The following TDRD1 variants were observed in gnomAD, a reference collection of about 807,000 sequenced individuals.
TDRD1 encodes the protein tudor domain containing 1.
Under a neutral mutation model 140.6 loss-of-function variants are expected in TDRD1, and 37 were observed. The observed-to-expected ratio is 0.26, with a 90% CI of 0.20 to 0.35. The LOEUF (loss-of-function observed/expected upper bound fraction) is 0.35. Ranked by LOEUF, TDRD1 falls within the 10% of genes least tolerant of loss-of-function variation. The pLI is 1.00. For missense variants in TDRD1, 1,243 were observed against 1,393.0 expected, an observed-to-expected ratio of 0.89 and a Z score of 1.71; for synonymous variants, 506 against 475.7, an observed-to-expected ratio of 1.06 and a Z score of -0.83.
intron 18 of TDRD1, among the ~76,000 whole-genome samples, chr10:114,220,056 CTG>C (rs1220214114): frequency 6.6e-6 from 1 of 152,184 alleles, no homozygotes; most frequent in African/African-American, 2.4e-5. Flanking sequence ...GCCCCACAGT[CTG>C]TGTTTTAACA....
At chr10:114,217,439 G>C in intron 16 of TDRD1, 106 bp from the exon 17 acceptor site, 1 of 582,142 alleles carries the variant, frequency 1.7e-6, no homozygotes, top group Non-Finnish European at 3.0e-6. Flanking sequence ...GTTTAGGGAG[G>C]TACCTGTCTT....
At chr10:114,206,221 A>C (rs749092760) in intron 10 of TDRD1, 23 bp from the exon 11 acceptor site, 3 of 1,565,018 alleles carry the variant, frequency 1.9e-6, no homozygotes, top group Non-Finnish European at 2.6e-6. Context: ...CAATGGAGGC[A>C]TATTTTCTTA....
At chr10:114,221,281 A>G in intron 19 of TDRD1, 76 bp from the exon 20 acceptor site, 1 of 1,329,700 alleles carries the variant, frequency 7.5e-7, no homozygotes, top group South Asian at 1.3e-5. Flanking sequence ...AAATGATTGA[A>G]TTAAATATGT....
chr10:114,191,142 T>A, intron 3 of TDRD1, 123 bp downstream of exon 3: 1 of 1,111,936 alleles, frequency 9.0e-7, no homozygotes, highest in Non-Finnish European at 1.3e-6. Context: ...TTCTTTTATG[T>A]ACATTTTTAA....
chr10:114,196,465 G>T (rs1346081923), intron 3 of TDRD1, among the ~76,000 whole-genome samples: 1 of 152,072 alleles, frequency 6.6e-6, no homozygotes, highest in Non-Finnish European at 1.5e-5. Context: ...AAAATGTTTT[G>T]TCACTTTCTT....
Position 114,206,348 on chromosome 10 carries a change from T to C in TDRD1, c.1384+18T>C, listed in dbSNP as rs1409346468. 3 of 1,600,666 alleles carry C rather than the reference T, an allele frequency of 1.9e-6. No individual in the cohort carries two copies. Among genetic ancestry groups the C allele is most frequent in the African/African-American group, 1.3e-5 (1 of 74,736 alleles). On this transcript the variant is annotated intron_variant, in intron 11 of 25. Coordinates refer to ENST00000251864, the Ensembl canonical transcript of TDRD1. ...AGATCAAAGTGAGTATAGATTGATA[T>C]TGAACGGTATAGCGACTTCAGTTAT...
rs1405792572 is a variant in TDRD1 at position 114,205,875 on chromosome 10, ATT to A, written c.1298-367_1298-366del. On this transcript the variant is annotated intron_variant, in intron 10 of 25. Transcript: ENST00000251864. Reference sequence around the variant, plus strand: ...AAGTAACTTAGACTGTAATTGGATGATTTGTAACTCAAAGGATGCTTGAGGGG... The same window carrying A: ...AAGTAACTTAGACTGTAATTGGATGATGTAACTCAAAGGATGCTTGAGGGG... 2.0e-5 allele frequency among the ~76,000 whole-genome samples: 3 copies of A among 152,226 alleles called. No individual in the cohort carries two copies. In the East Asian group the frequency reaches 5.8e-4, roughly 29 times the overall value.
At chr10:114,176,837 GT>G (rs1327229683), upstream of TDRD1, among the ~76,000 whole-genome samples, 1 of 152,154 alleles carries the variant, frequency 6.6e-6, no homozygotes, top group East Asian at 1.9e-4. The surrounding 1 kb of genome is among the most constrained non-coding windows in gnomAD (Gnocchi z 4.2). Context: ...AGAAATTATT[GT>G]TTTTAAAGTT....
upstream of TDRD1, among the ~76,000 whole-genome samples, chr10:114,179,098 T>G (rs1225857685): frequency 6.6e-6 from 1 of 152,212 alleles, no homozygotes; most frequent in Non-Finnish European, 1.5e-5. Context: ...TGCGCCCAAA[T>G]TTGCCAAAGG....
rs1325814150 is a variant in TDRD1 at position 114,190,877 on chromosome 10, T to TCAC, written c.326-84_326-83insCAC. The TCAC allele has an allele frequency of 1.1e-5, 15 of 1,334,582 alleles. No homozygotes were observed. The African/African-American group carries it at 2.2e-4, about 19-fold the overall frequency. 82.7% of individuals were successfully genotyped at this position (1,334,582 alleles called of 1,614,324 possible). On this transcript the variant is annotated intron_variant, in intron 2 of 25. Transcript: ENST00000251864. ...TTGTGGTATAGCCCTGTTACTTGAA[T>TCAC]ATCACCTAATTACACTATTTTTCAT...
chr10:114,231,671 T>C (rs1460089513), exon 26 of TDRD1: 1 of 549,570 alleles, frequency 1.8e-6, no homozygotes, highest in Admixed American at 4.1e-5. Flanking sequence ...TGGTGGTTTT[T>C]ATTTTCCTCT....
At chr10:114,187,606 G>A (rs529551899) in intron 1 of TDRD1, among the ~76,000 whole-genome samples, 3 of 152,294 alleles carry the variant, frequency 2.0e-5, no homozygotes, top group Admixed American at 2.0e-4. Context: ...TTTTTCATGA[G>A]TTGGTCTGTT....
chr10:114,190,216 T>C (rs2033859372), intron 2 of TDRD1, among the ~76,000 whole-genome samples: 1 of 151,958 alleles, frequency 6.6e-6, no homozygotes, highest in Admixed American at 6.5e-5. Flanking sequence ...AATTCTTCTA[T>C]ATTTTGTTTT....
intron 3 of TDRD1, among the ~76,000 whole-genome samples, chr10:114,194,337 T>C (rs1229558899): frequency 6.6e-6 from 1 of 152,182 alleles, no homozygotes; most frequent in African/African-American, 2.4e-5. Context: ...AGATTTCTTT[T>C]GGGGGAGTTT....
intron 3 of TDRD1, among the ~76,000 whole-genome samples, chr10:114,195,832 C>T (rs1043263275): frequency 2.6e-5 from 4 of 152,010 alleles, no homozygotes; most frequent in Non-Finnish European, 5.9e-5. Context: ...TTTTTTCCTG[C>T]CTTCTTGTGG....
upstream of TDRD1, among the ~76,000 whole-genome samples, chr10:114,176,290 GAA>G (rs558894627): frequency 1.5e-5 from 2 of 135,126 alleles, no homozygotes; most frequent in Non-Finnish European, 3.2e-5. The surrounding 1 kb of genome is among the most constrained non-coding windows in gnomAD (Gnocchi z 4.2). Flanking sequence ...AAATTGAATG[GAA>G]AAAAAAAAAA....
intron 1 of TDRD1, among the ~76,000 whole-genome samples, chr10:114,185,330 C>CA (rs1231733394): frequency 6.6e-6 from 1 of 152,080 alleles, no homozygotes; most frequent in East Asian, 1.9e-4. Context: ...GCTGGGACTA[C>CA]AGGTGCGTGC....
intron 4 of TDRD1, among the ~76,000 whole-genome samples, chr10:114,199,692 A>AT (rs143174898): frequency 0.011 from 1,609 of 152,370 alleles, 19 homozygotes; most frequent in African/African-American, 0.037. Flanking sequence ...CTGTCATAGA[A>AT]TTCACATAAG....
intron 21 of TDRD1, among the ~76,000 whole-genome samples, chr10:114,224,110 A>G (rs2036302575): frequency 6.6e-6 from 1 of 152,198 alleles, no homozygotes; most frequent in Non-Finnish European, 1.5e-5. Flanking sequence ...AGAAGCTGAG[A>G]AAAGGTGCAT....
Sources: allele counts gnomAD v4.1 joint callset (sites outside exome capture counted in the v4.1 genomes callset), GRCh38; gene constraint gnomAD v4.1.1; non-coding constraint Gnocchi (gnomAD v3.1); transcripts MANE v1.5; gene names NCBI Gene and HGNC (gene_info 2026-07-23, HGNC 2026-07-21).